TMEM132C: variants seen among roughly 807,000 people sequenced by gnomAD.
TMEM132C encodes protein phosphatase 1, regulatory subunit 152.
Under a neutral mutation model 61.4 loss-of-function variants are expected in TMEM132C, and 29 were observed. That is an observed-to-expected ratio of 0.47 (90% confidence interval 0.35 to 0.64). The LOEUF (loss-of-function observed/expected upper bound fraction) is 0.64. TMEM132C is among the 30% of genes least tolerant of loss of function. The probability of loss-of-function intolerance (pLI) is 0.00; values close to 1 mark genes in which losing one functional copy is unlikely to be tolerated. For missense variants in TMEM132C, 1,408 were observed against 1,476.9 expected (o/e 0.95, Z 0.76); for synonymous variants, 656 against 633.1 (o/e 1.04, Z -0.54).
At chr12:128,414,479 A>T (rs1388307623) in intron 1 of TMEM132C, among the ~76,000 whole-genome samples, 3 of 152,206 alleles carry the variant, frequency 2.0e-5, no homozygotes, top group Non-Finnish European at 4.4e-5. Flanking sequence ...TGAAACTGCC[A>T]CCATTCAATG....
chr12:128,568,535 A>G (rs1474174727), intron 3 of TMEM132C, among the ~76,000 whole-genome samples: 3 of 152,214 alleles, frequency 2.0e-5, no homozygotes, highest in African/African-American at 7.2e-5. Flanking sequence ...TAATCTCCAC[A>G]TCCCTACGAG....
At chr12:128,497,809 C>T (rs769865476) in intron 2 of TMEM132C, among the ~76,000 whole-genome samples, 1 of 152,190 alleles carries the variant, frequency 6.6e-6, no homozygotes. Context: ...CCTGCTTTGG[C>T]TCACACTCGG....
chr12:128,486,899 ACACACACACACACACACACACAG>A (rs1565950546), intron 2 of TMEM132C, among the ~76,000 whole-genome samples: 21 of 151,862 alleles, frequency 1.4e-4, no homozygotes, highest in African/African-American at 2.4e-4. Flanking sequence ...ACACACACAC[ACACACACACACACACACACACAG>A]CTCAGCACTT....
chr12:128,439,823 T>C (rs1458187), intron 2 of TMEM132C, among the ~76,000 whole-genome samples: 151,190 of 152,208 alleles, frequency 0.99, 75,097 homozygotes, highest in Middle Eastern at 1. Flanking sequence ...GCAGCAGGCG[T>C]ATGAGCCGCA....
At chr12:128,527,127 TAAG>T (rs1873112348) in intron 2 of TMEM132C, among the ~76,000 whole-genome samples, 1 of 152,162 alleles carries the variant, frequency 6.6e-6, no homozygotes, top group African/African-American at 2.4e-5. Context: ...CTGCTGCTGT[TAAG>T]AAAGAAATTC....
chr12:128,268,841 C>G (rs1870408840), intron 1 of TMEM132C, among the ~76,000 whole-genome samples: 1 of 148,236 alleles, frequency 6.7e-6, no homozygotes, highest in East Asian at 2.1e-4. Context: ...TATAAGTGTT[C>G]CTTTCTTCCA....
chr12:128,595,127 G>C lies in TMEM132C; in HGVS notation c.1122-21025G>C, dbSNP rs571162454. Among the ~76,000 whole-genome samples, 3 of 152,268 alleles carry C rather than the reference G, an allele frequency of 2.0e-5. No individual in the cohort carries two copies. The East Asian group carries it at 5.8e-4, about 29-fold the overall frequency. ...GAACAGTGCAGGGAAGTCTTGTTTT[G>C]ATCCTCCATTTATTTTTCTATCCAC... is the stretch of plus-strand genomic sequence containing the variant. On this transcript the variant is annotated intron_variant, in intron 3 of 8. Coordinates refer to ENST00000435159, the MANE Select transcript of TMEM132C (RefSeq NM_001136103.3).
At chr12:128,514,234 G>T (rs1350932411) in intron 2 of TMEM132C, among the ~76,000 whole-genome samples, 1 of 152,200 alleles carries the variant, frequency 6.6e-6, no homozygotes, top group Non-Finnish European at 1.5e-5. Context: ...TAGTTCAAAA[G>T]AACTCAAAGC....
chr12:128,427,387 G>GGTGT (rs761620460), intron 2 of TMEM132C, among the ~76,000 whole-genome samples: 3,254 of 132,128 alleles, frequency 0.025, 66 homozygotes, highest in Middle Eastern at 0.041. Context: ...CTTCCAAAGG[G>GGTGT]GTGTGTGTGT....
At chr12:128,427,265 G>C (rs934221916) in intron 2 of TMEM132C, among the ~76,000 whole-genome samples, 1 of 152,106 alleles carries the variant, frequency 6.6e-6, no homozygotes, top group South Asian at 2.1e-4. Context: ...TGATTGCATC[G>C]TGCTTGTTGA....
intron 2 of TMEM132C, among the ~76,000 whole-genome samples, chr12:128,515,754 G>A (rs1872697427): frequency 1.3e-5 from 2 of 151,984 alleles, no homozygotes; most frequent in Admixed American, 1.3e-4. Flanking sequence ...AGAATGGCGT[G>A]AACCCGGGAG....
chr12:128,318,857 T>G (rs574544779), intron 1 of TMEM132C, among the ~76,000 whole-genome samples: 3 of 152,162 alleles, frequency 2.0e-5, no homozygotes, highest in Admixed American at 2.0e-4. Flanking sequence ...TAGAAGTAAT[T>G]TGTTGCTCCA....
intron 8 of TMEM132C, among the ~76,000 whole-genome samples, chr12:128,699,323 G>T (rs1423146189): frequency 2.0e-5 from 3 of 152,210 alleles, no homozygotes; most frequent in African/African-American, 7.2e-5. Flanking sequence ...CATGCCCAGA[G>T]TATCAGAAGG....
chr12:128,543,854 A>G, intron 2 of TMEM132C, 103 bp from the exon 3 acceptor site: 1 of 1,445,162 alleles, frequency 6.9e-7, no homozygotes, highest in South Asian at 1.4e-5. Context: ...AAAAGTGGAA[A>G]AGCAAAACAG....
chr12:128,382,150 A>G (rs1874421183), intron 1 of TMEM132C, among the ~76,000 whole-genome samples: 1 of 151,672 alleles, frequency 6.6e-6, no homozygotes, highest in Non-Finnish European at 1.5e-5. Flanking sequence ...GCCTCTCCTT[A>G]GGCGAAAGAA....
chr12:128,690,872 C>A (rs1311727765), intron 5 of TMEM132C, among the ~76,000 whole-genome samples: 1 of 152,196 alleles, frequency 6.6e-6, no homozygotes, highest in Admixed American at 6.5e-5. Flanking sequence ...CAGCCCTCAC[C>A]AGCTGCCTCT....
intron 1 of TMEM132C, among the ~76,000 whole-genome samples, chr12:128,398,748 A>G (rs568904069): frequency 6.6e-6 from 1 of 152,340 alleles, no homozygotes; most frequent in African/African-American, 2.4e-5. Flanking sequence ...TGTTGAAAGT[A>G]CAAAGAAGTC....
chr12:128,596,030 A>C (rs1184580383), intron 3 of TMEM132C, among the ~76,000 whole-genome samples: 2 of 152,160 alleles, frequency 1.3e-5, no homozygotes, highest in African/African-American at 4.8e-5. Flanking sequence ...CCCATTCCTG[A>C]TCCCATGTTC....
chr12:128,700,779 G>A (rs1169119063), intron 8 of TMEM132C, among the ~76,000 whole-genome samples: 2 of 152,176 alleles, frequency 1.3e-5, no homozygotes, highest in Admixed American at 1.3e-4. Context: ...GGCATTAGAA[G>A]GACTTATTGG....
Sources: gnomAD v4.1 joint callset for allele counts (sites outside exome capture counted in the v4.1 genomes callset) on GRCh38, gnomAD v4.1.1 for gene constraint, MANE v1.5 for transcripts, NCBI Gene and HGNC (gene_info 2026-07-23, HGNC 2026-07-21) for gene names.